The following ZFHX4 variants were observed in gnomAD, a reference collection of about 807,000 sequenced individuals.
The protein encoded by ZFHX4 is zinc finger homeobox protein 4.
Under a neutral mutation model 267.6 loss-of-function variants are expected in ZFHX4, and 56 were observed. That is an observed-to-expected ratio of 0.21 (90% confidence interval 0.17 to 0.26). ZFHX4 has a LOEUF of 0.26. Ranked by LOEUF, ZFHX4 falls within the 10% of genes least tolerant of loss-of-function variation. ZFHX4 has a pLI of 1.00. For missense variants in ZFHX4, 4,332 were observed against 4,420.0 expected (o/e 0.98, Z 0.56); for synonymous variants, 1,778 against 1,665.6 (o/e 1.07, Z -1.64).
chr8:76,863,398 G>A lies in ZFHX4; in HGVS notation c.9684G>A (p.Val3228=), dbSNP rs1563570523. The change falls in exon 11 of 11, where the codon GTG becomes GTA. Residue 3228 remains valine (V), a synonymous_variant. Coordinates refer to ENST00000651372, the MANE Select transcript of ZFHX4 (RefSeq NM_024721.5). ...KEEKISSALS[V]LGKVVGETHV... Reference sequence around the variant, plus strand: ...AAAAAATCTCATCTGCTCTTTCAGTGTTGGGCAAAGTTGTAGGTGAAACAC... The same window carrying A: ...AAAAAATCTCATCTGCTCTTTCAGTATTGGGCAAAGTTGTAGGTGAAACAC... The A allele has an allele frequency of 6.2e-7, 1 of 1,613,998 alleles. No homozygotes were observed. The highest frequency in any genetic ancestry group is 8.5e-7 in the Non-Finnish European group (1 of 1,179,872).
At chr8:76,719,688 A>G (rs1808669169) in intron 3 of ZFHX4, among the ~76,000 whole-genome samples, 1 of 152,200 alleles carries the variant, frequency 6.6e-6, no homozygotes, top group African/African-American at 2.4e-5. Context: ...GATATAATAG[A>G]TACCACAAGA....
At chr8:76,764,812 A>G (rs1159602170) in intron 3 of ZFHX4, among the ~76,000 whole-genome samples, 1 of 152,174 alleles carries the variant, frequency 6.6e-6, no homozygotes, top group Non-Finnish European at 1.5e-5. Context: ...ATATTATTAA[A>G]GCAAAAGTCA....
In ZFHX4 at chr8:76,855,454, C is replaced by T; in HGVS notation, c.8533C>T (p.Leu2845=). 6.2e-7 allele frequency: 1 copy of T among 1,613,632 alleles called. No homozygotes were observed. Among genetic ancestry groups the T allele is most frequent in the Non-Finnish European group, 8.5e-7 (1 of 1,179,812 alleles). The part of the protein sequence containing the change: ...PALSPKEPKT[L]DTLPKPATTP... ...TTTGTCTCCCAAAGAGCCAAAAACT[C>T]TGGATACTCTGCCAAAACCTGCAAC... Residue 2845 remains leucine (L), a synonymous_variant, in exon 10 of 11, where the codon CTG becomes TTG. Transcript: ENST00000651372.
In ZFHX4 at chr8:76,705,257, G is replaced by A. The variant is rs372831335; in HGVS notation, c.1169G>A (p.Ser390Asn). 30 of 1,613,906 alleles carry A rather than the reference G, an allele frequency of 1.9e-5. No homozygotes were observed. In the African/African-American group the frequency reaches 3.9e-4, roughly 21 times the overall value. Residue 390 changes from serine to asparagine, a missense_variant, in exon 2 of 11, where the codon AGC (serine) becomes AAC (asparagine). This residue lies in a region of ZFHX4 where 1,195 missense variants were observed against 1,173.6 expected (regional missense o/e 1.02). Transcript: ENST00000651372. ...AFLKGSASTS[S>N]SAEQPLGITQ... ...TTAAAAGGAAGCGCGAGCACCTCGAGCTCAGCAGAGCAGCCGCTGGGGATT... is the reference window on the plus strand; with the variant it reads ...TTAAAAGGAAGCGCGAGCACCTCGAACTCAGCAGAGCAGCCGCTGGGGATT...
At position 76,705,507 on chromosome 8, in the gene ZFHX4, T is replaced by C; in HGVS notation, c.1419T>C (p.Asp473=). The change falls in exon 2 of 11, where the codon GAT becomes GAC. Residue 473 remains aspartate, a synonymous_variant. Transcript: ENST00000651372. ...AACCCACTGAACCGGGAGATGAGGA[T>C]GAAGAAGATGCGTACTCCAATGAAC... The part of the protein sequence containing the change: ...KSEPTEPGDE[D]EEDAYSNELD... The C allele has an allele frequency of 3.7e-6, 6 of 1,613,716 alleles. No homozygotes were observed. The highest frequency in any genetic ancestry group is 5.1e-6 in the Non-Finnish European group (6 of 1,179,760).
chr8:76,856,138 G>A lies in ZFHX4; in HGVS notation c.9217G>A (p.Val3073Met), dbSNP rs1812718732. 2.5e-6 allele frequency: 4 copies of A among 1,613,854 alleles called. No individual in the cohort carries two copies. Among genetic ancestry groups the A allele is most frequent in the Middle Eastern group, 1.6e-4 (1 of 6,084 alleles). The stretch of plus-strand genomic sequence containing the variant: ...TGATCGTATAAAGAAAGCTTCAGAC[G>A]TGCTGGGCTTGACGGTACAGCAGCC... ...ELDRIKKASD[V>M]LGLTVQQPGM... Residue 3073 changes from valine (V) to methionine (M), a missense_variant, in exon 10 of 11, where the codon GTG (valine) becomes ATG (methionine). Coordinates refer to ENST00000651372, the MANE Select transcript of ZFHX4 (RefSeq NM_024721.5).
rs548118445 is a variant in ZFHX4 at position 76,856,036 on chromosome 8, G to A, written c.9115G>A (p.Val3039Ile). ...GCACATTTCAAAAGTGAGGGAGACC[G>A]TTGGCAGTCAGCTCGATCGGGAGAA... ...KQHISKVRET[V>I]GSQLDREKDY... Residue 3039 changes from valine to isoleucine, a missense_variant, in exon 10 of 11, where the codon GTT becomes ATT. By Grantham distance (29) the Val-to-Ile change is conservative. Around this residue, in one of 7 missense-constraint regions of ZFHX4, gnomAD observed 1,648 missense variants for 1,625.0 expected, o/e 1.01. Transcript: ENST00000651372. The A allele has an allele frequency of 6.2e-6, 10 of 1,613,980 alleles. No individual in the cohort carries two copies. The South Asian group carries it at 7.7e-5, about 12-fold the overall frequency.
chr8:76,699,920 TAAAC>T (rs913949867), intron 1 of ZFHX4, among the ~76,000 whole-genome samples: 3 of 151,878 alleles, frequency 2.0e-5, no homozygotes, highest in Admixed American at 6.6e-5. Flanking sequence ...TGGCAACAAA[TAAAC>T]AAGTATAATT....
chr8:76,769,117 G>C (rs1307693409), intron 3 of ZFHX4, among the ~76,000 whole-genome samples: 7 of 151,840 alleles, frequency 4.6e-5, no homozygotes, highest in Non-Finnish European at 1.0e-4. Flanking sequence ...AAATAAAGTA[G>C]AGGGCTTTTT....
At position 76,705,928 on chromosome 8, in the gene ZFHX4, G is replaced by A; in HGVS notation, c.1840G>A (p.Glu614Lys). 1.2e-6 allele frequency: 2 copies of A among 1,613,618 alleles called. No homozygotes were observed. Among genetic ancestry groups the A allele is most frequent in the Non-Finnish European group, 1.7e-6 (2 of 1,179,820 alleles). The change falls in exon 2 of 11, where the codon GAG (glutamate) becomes AAG (lysine). Residue 614 changes from glutamate (E) to lysine (K), a missense_variant. By Grantham distance (56) the Glu-to-Lys change is moderately conservative (BLOSUM62 1). Transcript: ENST00000651372. Reference protein sequence around the residue: ...GGDGSPGSGIECPKCDTVLGS... With the variant: ...GGDGSPGSGIKCPKCDTVLGS... ...AGACGGCTCACCGGGCAGTGGCATC[G>A]AGTGTCCAAAGTGCGACACTGTGTT...
chr8:76,704,700 A>G lies in ZFHX4; in HGVS notation c.612A>G (p.Pro204=), dbSNP rs759534883. The part of the protein sequence containing the change: ...TFHIASSLGK[P]FTADQAFPNT... ...ATATCGCTTCATCCCTCGGGAAACC[A>G]TTTACAGCCGATCAGGCTTTCCCAA... is the stretch of plus-strand genomic sequence containing the variant. The change falls in exon 2 of 11, where the codon CCA becomes CCG. Residue 204 remains proline (P), a synonymous_variant. Coordinates refer to ENST00000651372, the MANE Select transcript of ZFHX4 (RefSeq NM_024721.5). 1 of 1,614,020 alleles carries G rather than the reference A, an allele frequency of 6.2e-7. No individual in the cohort carries two copies. Among genetic ancestry groups the G allele is most frequent in the East Asian group, 2.2e-5 (1 of 44,864 alleles).
intron 4 of ZFHX4, among the ~76,000 whole-genome samples, chr8:76,822,809 T>C (rs1176418847): frequency 6.6e-6 from 1 of 152,142 alleles, no homozygotes; most frequent in African/African-American, 2.4e-5. Context: ...TTTTGTTCCC[T>C]AGAGTTTTGC....
chr8:76,709,203 C>A (rs1219801234), intron 3 of ZFHX4, among the ~76,000 whole-genome samples: 1 of 152,070 alleles, frequency 6.6e-6, no homozygotes, highest in African/African-American at 2.4e-5. Context: ...TGGGTTGTTT[C>A]TTGAAGTTGA....
rs375538387 is a variant in ZFHX4, at chr8:76,863,241, C to G, written c.9527C>G (p.Ser3176Cys). ...CCTCCTCCTCCTCCTCCTTCATCCT[C>G]TCTGTCAGGACAGCAGACCGAGCAA... ...PPPPPPPPSS[S>C]LSGQQTEQQN... The change falls in exon 11 of 11, where the codon TCT becomes TGT. Residue 3176 changes from serine to cysteine, a missense_variant. Around this residue, in one of 7 missense-constraint regions of ZFHX4, gnomAD observed 1,648 missense variants for 1,625.0 expected, o/e 1.01. Coordinates refer to ENST00000651372, the MANE Select transcript of ZFHX4 (RefSeq NM_024721.5). 1.3e-6 allele frequency: 2 copies of G among 1,596,886 alleles called. No individual in the cohort carries two copies. Among genetic ancestry groups the G allele is most frequent in the Non-Finnish European group, 1.7e-6 (2 of 1,171,092 alleles).
At chr8:76,843,836 T>C in intron 6 of ZFHX4, among the ~76,000 whole-genome samples, 1 of 152,164 alleles carries the variant, frequency 6.6e-6, no homozygotes, top group East Asian at 1.9e-4. Context: ...CGTTTGTACT[T>C]CAGTCTTTGC....
At chr8:76,848,947 C>A in intron 6 of ZFHX4, 48 bp from the exon 7 acceptor site, 1 of 1,437,030 alleles carries the variant, frequency 7.0e-7, no homozygotes, top group South Asian at 1.5e-5. Flanking sequence ...TTTCTCATTT[C>A]GGAATTGTGT....
intron 3 of ZFHX4, among the ~76,000 whole-genome samples, chr8:76,758,443 C>T (rs751656866): frequency 6.6e-6 from 1 of 152,040 alleles, no homozygotes; most frequent in African/African-American, 2.4e-5. Context: ...TCCTCTCAGC[C>T]ATGATTGGGT....
At chr8:76,807,160 G>A (rs776715289) in intron 4 of ZFHX4, among the ~76,000 whole-genome samples, 51 of 151,888 alleles carry the variant, frequency 3.4e-4, no homozygotes, top group Non-Finnish European at 6.0e-4. Context: ...TTGTAGGAGG[G>A]GTTTCTTTTA....
At chr8:76,789,164 G>A (rs938757648) in intron 4 of ZFHX4, among the ~76,000 whole-genome samples, 4 of 152,128 alleles carry the variant, frequency 2.6e-5, no homozygotes, top group African/African-American at 9.7e-5. Context: ...AAGCGTTTTG[G>A]CCAAAATCCA....
Sources: allele counts gnomAD v4.1 joint callset (sites outside exome capture counted in the v4.1 genomes callset), GRCh38; gene constraint gnomAD v4.1.1; regional missense constraint gnomAD v4.1.1; transcripts MANE v1.5; gene names NCBI Gene and HGNC (gene_info 2026-07-23, HGNC 2026-07-21).